ASIC2: variants seen among roughly 807,000 people sequenced by gnomAD.
The protein encoded by ASIC2 is acid-sensing ion channel 2.
Under a neutral mutation model 57.3 loss-of-function variants are expected in ASIC2, and 25 were observed. The observed-to-expected ratio is 0.44, with a 90% CI of 0.32 to 0.61. The LOEUF is 0.61. Ranked by LOEUF, ASIC2 falls within the 20% of genes least tolerant of loss-of-function variation. The pLI is 0.06. For missense variants in ASIC2, 641 were observed against 738.1 expected, an observed-to-expected ratio of 0.87 and a Z score of 1.52; for synonymous variants, 319 against 307.5, an observed-to-expected ratio of 1.04 and a Z score of -0.39.
chr17:33,119,983 G>C (rs114767695), intron 1 of ASIC2, among the ~76,000 whole-genome samples: 1,884 of 152,292 alleles, frequency 0.012, 35 homozygotes, highest in African/African-American at 0.042. Context: ...CGCTCCGTCT[G>C]TTAAGGCTCA....
intron 1 of ASIC2, among the ~76,000 whole-genome samples, chr17:33,260,227 C>T (rs1909228698): frequency 6.6e-6 from 1 of 152,206 alleles, no homozygotes; most frequent in Non-Finnish European, 1.5e-5. Flanking sequence ...CCTCCTGGCC[C>T]CTGAATCCAG....
In ASIC2 at chr17:33,542,159, G is replaced by A. The variant is rs534080394; in HGVS notation, c.556-430092C>T. ...ATCAATCTTCATTGTTGGACATTTG[G>A]GTTGGTTCCAAGTCTTTGCTATTGT... On this transcript the variant is annotated intron_variant, in intron 1 of 9. Transcript: ENST00000359872. Among the ~76,000 whole-genome samples the A allele has an allele frequency of 1.6e-4, 25 of 152,238 alleles. No individual in the cohort carries two copies. In the East Asian group the frequency reaches 4.4e-3, roughly 27 times the overall value.
At chr17:33,998,520 T>A (rs1906234308) in intron 1 of ASIC2, among the ~76,000 whole-genome samples, 1 of 152,156 alleles carries the variant, frequency 6.6e-6, no homozygotes. Context: ...TAAACCTCCC[T>A]CTTAGAGCAG....
At chr17:33,744,310 T>C (rs1363270399) in intron 1 of ASIC2, among the ~76,000 whole-genome samples, 4 of 152,190 alleles carry the variant, frequency 2.6e-5, no homozygotes, top group Admixed American at 6.5e-5. Flanking sequence ...TCTTAAGGTG[T>C]TGTTGAAAAC....
intron 1 of ASIC2, among the ~76,000 whole-genome samples, chr17:33,518,843 T>C (rs1914651226): frequency 1.3e-5 from 2 of 151,878 alleles, no homozygotes; most frequent in South Asian, 4.2e-4. Context: ...TTTTTTGAGA[T>C]GGAGTCTCGC....
rs373445439 is a variant in ASIC2, at chr17:33,014,617, G to A, written c.1591-551C>T. 1.2e-3 allele frequency among the ~76,000 whole-genome samples: 183 copies of A among 152,186 alleles called. 1 individual carries two copies. The highest frequency in any genetic ancestry group is 3.7e-3 in the South Asian group (18 of 4,820). ...TAAGCGGGGAGGGGCTGAGCTGGCC[G>A]CACATGAATCTTCAGGGTGGTTCCC... On this transcript the variant is annotated intron_variant, in intron 9 of 9. Coordinates refer to ENST00000225823, the MANE Select transcript of ASIC2 (RefSeq NM_183377.2).
At chr17:33,949,535 T>C (rs992166444) in intron 1 of ASIC2, among the ~76,000 whole-genome samples, 9 of 152,218 alleles carry the variant, frequency 5.9e-5, no homozygotes, top group African/African-American at 2.2e-4. Context: ...CTGCTTTGGA[T>C]GTCTATGATT....
chr17:33,428,095 T>C (rs547653907), intron 1 of ASIC2, among the ~76,000 whole-genome samples: 31 of 152,336 alleles, frequency 2.0e-4, no homozygotes, highest in Admixed American at 1.8e-3. Context: ...TGCAACCTCA[T>C]AGGATACCCT....
At chr17:34,036,359 C>G (rs910109056) in intron 1 of ASIC2, among the ~76,000 whole-genome samples, 13 of 113,802 alleles carry the variant, frequency 1.1e-4, no homozygotes, top group Non-Finnish European at 1.8e-4. Flanking sequence ...ACATCACACT[C>G]TGGGGACTGT....
intron 1 of ASIC2, among the ~76,000 whole-genome samples, chr17:33,153,260 C>A (rs1024597969): frequency 1.3e-5 from 2 of 152,248 alleles, no homozygotes; most frequent in Non-Finnish European, 2.9e-5. Flanking sequence ...TGCCAGCTAA[C>A]TCCTCCCCTG....
chr17:33,076,188 C>T lies in ASIC2; in HGVS notation c.987+12675G>A, dbSNP rs532936846. Among the ~76,000 whole-genome samples, 8 of 152,188 alleles carry T rather than the reference C, an allele frequency of 5.3e-5. No individual in the cohort carries two copies. The South Asian group carries it at 1.0e-3, about 20-fold the overall frequency. On this transcript the variant is annotated intron_variant, in intron 3 of 9. Transcript: ENST00000225823. ...CAAAAACAGACAAAAATCTTTCAAA[C>T]GTTGCTTTTCCAAAAAGGGAAACTT...
At chr17:33,168,810 AG>A (rs1905400258) in intron 1 of ASIC2, among the ~76,000 whole-genome samples, 1 of 152,206 alleles carries the variant, frequency 6.6e-6, no homozygotes, top group African/African-American at 2.4e-5. Context: ...CAAAGTGAAA[AG>A]ATTTGAAAAA....
Position 33,799,369 on chromosome 17 carries a change from T to TCTTC in ASIC2, c.555+356608_555+356609insGAAG, listed in dbSNP as rs1454790835. ...CTCTCTTTCTCTTTCTTTCTTTCTT[T>TCTTC]CTTTCTTCCTTTCTTTCTTTCTTTC... On this transcript the variant is annotated intron_variant, in intron 1 of 9. Transcript: ENST00000359872. Among the ~76,000 whole-genome samples the TCTTC allele has an allele frequency of 1.5e-3, 177 of 120,524 alleles. 2 individuals carry two copies. Among genetic ancestry groups the TCTTC allele is most frequent in the African/African-American group, 5.0e-3 (156 of 31,354 alleles). 79.1% of individuals were successfully genotyped at this position (120,524 alleles called of 152,430 possible). A position where few individuals can be genotyped will look rare whatever the true frequency, so the allele number is the denominator to read the frequency against.
chr17:33,510,904 C>T (rs1235262061), intron 1 of ASIC2, among the ~76,000 whole-genome samples: 1 of 152,204 alleles, frequency 6.6e-6, no homozygotes. Context: ...GACAGAGACC[C>T]AGCTCCTCCT....
rs150393580 is a variant in ASIC2, at chr17:33,246,376, C to T, written c.708+45032G>A. 8.4e-3 allele frequency among the ~76,000 whole-genome samples: 1,282 copies of T among 152,244 alleles called. 17 individuals carry two copies. Among genetic ancestry groups the T allele is most frequent in the Non-Finnish European group, 0.011 (747 of 68,012 alleles). On this transcript the variant is annotated intron_variant, in intron 1 of 9. Transcript: ENST00000225823. ...ATGACAGGCTTCCCTAAGGATGAAA[C>T]GCCATGTGTAAAGAGCGCCTAACAC...
At chr17:33,632,862 G>A (rs7215581) in intron 1 of ASIC2, among the ~76,000 whole-genome samples, 45,053 of 152,032 alleles carry the variant, frequency 0.3, 6,843 homozygotes, top group East Asian at 0.42. Flanking sequence ...CTTTCTACTT[G>A]TAGATGACAT....
intron 1 of ASIC2, among the ~76,000 whole-genome samples, chr17:33,933,310 T>A (rs1915985763): frequency 6.6e-6 from 1 of 152,234 alleles, no homozygotes; most frequent in African/African-American, 2.4e-5. Flanking sequence ...TTAAAATTCT[T>A]ATTACTCCCT....
intron 1 of ASIC2, among the ~76,000 whole-genome samples, chr17:33,718,675 C>T (rs541687998): frequency 3.9e-4 from 59 of 152,182 alleles, no homozygotes; most frequent in African/African-American, 1.3e-3. Context: ...AGAGAAGGGG[C>T]AAAGAAAGCC....
intron 1 of ASIC2, among the ~76,000 whole-genome samples, chr17:33,373,498 T>C (rs1909162717): frequency 6.6e-6 from 1 of 152,210 alleles, no homozygotes; most frequent in East Asian, 1.9e-4. Context: ...ACTGCCTTTG[T>C]GAAAACTAAT....
Sources: gnomAD v4.1 joint callset for allele counts (sites outside exome capture counted in the v4.1 genomes callset) on GRCh38, gnomAD v4.1.1 for gene constraint, MANE v1.5 for transcripts, NCBI Gene and HGNC (gene_info 2026-07-23, HGNC 2026-07-21) for gene names.